Variants in GALK1 observed in about 807,000 individuals in gnomAD.
The protein encoded by GALK1 is galactokinase.
In GALK1, 30 loss-of-function variants were observed where a neutral mutation model predicts 38.6. The observed-to-expected ratio is 0.78, with a 90% CI of 0.58 to 1.05. The LOEUF (loss-of-function observed/expected upper bound fraction) is 1.05, where lower values mean the gene tolerates loss of function less well. Ranked by LOEUF, GALK1 falls within the 50% of genes least tolerant of loss-of-function variation. GALK1 has a pLI of 0.00. For missense variants in GALK1, 512 were observed against 540.5 expected (o/e 0.95, Z 0.52); for synonymous variants, 240 against 233.6 (o/e 1.03, Z -0.25).
intron 5 of GALK1, among the ~76,000 whole-genome samples, chr17:75,760,732 C>G (rs916189335): frequency 6.6e-6 from 1 of 150,498 alleles, no homozygotes; most frequent in African/African-American, 2.4e-5. Flanking sequence ...GCCGAGATCA[C>G]GCCACTGCGC....
At chr17:75,761,527 G>C (rs1197204530) in intron 5 of GALK1, among the ~76,000 whole-genome samples, 1 of 148,200 alleles carries the variant, frequency 6.7e-6, no homozygotes, top group Non-Finnish European at 1.5e-5. Context: ...TAAGGCAGGA[G>C]AATCATTTGA....
chr17:75,754,021 A>G, downstream of GALK1: 1 of 901,466 alleles, frequency 1.1e-6, no homozygotes, highest in Non-Finnish European at 1.5e-6. Context: ...ACCCAGCCTC[A>G]CTCGCGCCTG....
At chr17:75,756,147 G>C (rs1471764414), downstream of GALK1, among the ~76,000 whole-genome samples, 2 of 152,170 alleles carry the variant, frequency 1.3e-5, no homozygotes. Flanking sequence ...AGATGCCTTT[G>C]GGGGAACAAG....
downstream of GALK1, chr17:75,757,830 G>A (rs1319488018): frequency 4.7e-5 from 31 of 666,128 alleles, no homozygotes; most frequent in Non-Finnish European, 4.1e-5. Context: ...GCCCTGCCTT[G>A]CCCATTCTTC....
At chr17:75,753,710 C>G (rs961729879), downstream of GALK1, 2 of 1,240,902 alleles carry the variant, frequency 1.6e-6, no homozygotes, top group African/African-American at 3.1e-5. Flanking sequence ...CCGCCTGGCC[C>G]TGCTCGGCCC....
downstream of GALK1, chr17:75,754,978 A>C (rs2061459675): frequency 1.3e-6 from 2 of 1,531,468 alleles, no homozygotes; most frequent in Non-Finnish European, 8.9e-7. Flanking sequence ...ACACATGTAC[A>C]CAGACATGCA....
chr17:75,764,935 C>G, intron 1 of GALK1, 37 bp downstream of exon 1: 1 of 1,587,816 alleles, frequency 6.3e-7, no homozygotes, highest in Non-Finnish European at 8.6e-7. Context: ...CCGGGACAGG[C>G]GGCGGCGGGC....
intron 2 of GALK1, 113 bp from the exon 3 acceptor site, chr17:75,763,552 G>T: frequency 8.1e-7 from 1 of 1,231,264 alleles, no homozygotes; most frequent in Non-Finnish European, 1.1e-6. Flanking sequence ...TTTCTAGGGT[G>T]TGTGTCTCAA....
chr17:75,754,989 T>G, downstream of GALK1: 1 of 1,553,178 alleles, frequency 6.4e-7, no homozygotes, highest in South Asian at 1.1e-5. Context: ...CAGACATGCA[T>G]GCGCACACGT....
In GALK1 at chr17:75,762,758, C is replaced by T. The variant is rs1270851489; in HGVS notation, c.739G>A (p.Ala247Thr). ...PVRRRQCEEV[A>T]RALGKESLRE... ...AGGCTTTCCTTGCCCAGCGCCCGGG[C>T]CACTTCTTCACATTGGCGCCGCCGC... is the stretch of plus-strand genomic sequence containing the variant. Residue 247 changes from alanine to threonine, a missense_variant, in exon 5 of 8, where the codon GCC becomes ACC. Ala to Thr is a moderately conservative substitution (Grantham distance 58). Coordinates refer to ENST00000588479, the MANE Select transcript of GALK1 (RefSeq NM_000154.2). 18 of 1,613,814 alleles carry T rather than the reference C, an allele frequency of 1.1e-5. No homozygotes were observed. Among genetic ancestry groups the T allele is most frequent in the Non-Finnish European group, 1.4e-5 (17 of 1,180,042 alleles).
rs141983398 is a variant in GALK1, at chr17:75,763,106, G to C, written c.519C>G (p.Ala173=). Residue 173 remains alanine, a synonymous_variant, in exon 4 of 8, where the codon GCC becomes GCG. Transcript: ENST00000588479. ...AGGGCATCCCTGCGAAGCTGTGCTCGGCCTGCTGACACACCTGGGCGCGGG... is the reference window on the plus strand; with the variant it reads ...AGGGCATCCCTGCGAAGCTGTGCTCCGCCTGCTGACACACCTGGGCGCGGG... ...IAARAQVCQQ[A]EHSFAGMPCG... 2.2e-5 allele frequency: 36 copies of C among 1,612,256 alleles called. No individual in the cohort carries two copies. Among genetic ancestry groups the C allele is most frequent in the Non-Finnish European group, 3.1e-5 (36 of 1,180,016 alleles).
rs778379849 is a variant in GALK1 at position 75,758,583 on chromosome 17, C to T, written c.810G>A (p.Val270=). ...LEELEAARDL[V]SKEGFRRARH... The stretch of plus-strand genomic sequence containing the variant: ...GGGCCCGCCGGAAGCCCTCTTTGCT[C>T]ACCAGGTCCCTGGCAGCTGGGGAGG... Residue 270 remains valine (V), a synonymous_variant, in exon 6 of 8, where the codon GTG becomes GTA. Coordinates refer to ENST00000588479, the MANE Select transcript of GALK1 (RefSeq NM_000154.2). 1 of 1,595,908 alleles carries T rather than the reference C, an allele frequency of 6.3e-7. No homozygotes were observed. The highest frequency in any genetic ancestry group is 8.5e-7 in the Non-Finnish European group (1 of 1,177,718).
Position 75,758,536 on chromosome 17 carries a change from C to G in GALK1, c.857G>C (p.Arg286Pro), listed in dbSNP as rs145641205. Reference sequence around the variant, plus strand: ...GGCGGCCGCTGCCTGGGCCGTGCGCCGAATCTCCCCCACCACGTGCCGGGC... The same window carrying G: ...GGCGGCCGCTGCCTGGGCCGTGCGCGGAATCTCCCCCACCACGTGCCGGGC... Reference protein sequence around the residue: ...RRARHVVGEIRRTAQAAAALR... With the variant: ...RRARHVVGEIPRTAQAAAALR... The change falls in exon 6 of 8, where the codon CGG becomes CCG. Residue 286 changes from arginine to proline, a missense_variant. Coordinates refer to ENST00000588479, the MANE Select transcript of GALK1 (RefSeq NM_000154.2). 1 of 1,593,990 alleles carries G rather than the reference C, an allele frequency of 6.3e-7. No individual in the cohort carries two copies. Among genetic ancestry groups the G allele is most frequent in the Non-Finnish European group, 8.5e-7 (1 of 1,174,982 alleles).
At chr17:75,755,016 A>C (rs1350200479), downstream of GALK1, 1 of 1,581,692 alleles carries the variant, frequency 6.3e-7, no homozygotes, top group Non-Finnish European at 8.6e-7. Context: ...ATGCATGCAC[A>C]CTCCCTGCTC....
intron 2 of GALK1, 33 bp from the exon 3 acceptor site, chr17:75,763,472 G>A (rs1051199859): frequency 1.3e-6 from 2 of 1,560,316 alleles, no homozygotes; most frequent in Admixed American, 3.9e-5. Flanking sequence ...TGGTAAGAGG[G>A]GCTGCCTGGG....
intron 4 of GALK1, 45 bp downstream of exon 4, chr17:75,762,969 G>A: frequency 6.2e-7 from 1 of 1,611,858 alleles, no homozygotes; most frequent in Non-Finnish European, 8.5e-7. Context: ...CCACCCAGGA[G>A]CTGCTGAGTG....
chr17:75,757,313 G>C (rs764842316), downstream of GALK1: 2 of 1,612,500 alleles, frequency 1.2e-6, no homozygotes, highest in Non-Finnish European at 1.7e-6. Context: ...CCTAGTGGGT[G>C]AGCACTGAGG....
chr17:75,755,238 C>G, downstream of GALK1: 1 of 1,593,620 alleles, frequency 6.3e-7, no homozygotes, highest in South Asian at 1.1e-5. Context: ...GCCATCCTGT[C>G]TCCACAGCTG....
chr17:75,756,721 A>C (rs1428771258), downstream of GALK1: 1 of 1,613,202 alleles, frequency 6.2e-7, no homozygotes, highest in South Asian at 1.1e-5. Flanking sequence ...CTTCACTTTG[A>C]GCACTCCCAG....
Sources: allele counts gnomAD v4.1 joint callset (sites outside exome capture counted in the v4.1 genomes callset), GRCh38; gene constraint gnomAD v4.1.1; transcripts MANE v1.5; gene names NCBI Gene and HGNC (gene_info 2026-07-23, HGNC 2026-07-21).